Variants in PPFIBP1 observed in about 807,000 individuals in gnomAD.
The protein encoded by PPFIBP1 is PPFIB scaffold protein 1, also known as liprin-beta-1.
Under a neutral mutation model 137.8 loss-of-function variants are expected in PPFIBP1, and 112 were observed. The ratio of observed to expected loss-of-function variants is 0.81; its 90% CI spans 0.70 to 0.95. The LOEUF is 0.95. PPFIBP1 is among the 40% of genes least tolerant of loss of function. PPFIBP1 has a pLI of 0.00. For synonymous variants in PPFIBP1, 378 were observed against 417.3 expected (o/e 0.91, Z 1.15); for missense variants, 1,083 against 1,196.6 (o/e 0.91, Z 1.40).
At chr12:27,615,677 G>T (rs73080246) in intron 2 of PPFIBP1, among the ~76,000 whole-genome samples, 65 of 152,326 alleles carry the variant, frequency 4.3e-4, no homozygotes, top group Non-Finnish European at 7.5e-4. Context: ...GGAAAATGAA[G>T]CCTGGAAAAT....
At chr12:27,641,773 G>T (rs1486836336) in intron 4 of PPFIBP1, among the ~76,000 whole-genome samples, 2 of 152,182 alleles carry the variant, frequency 1.3e-5, no homozygotes, top group Non-Finnish European at 2.9e-5. Context: ...TACCAATTAG[G>T]CTAAAAGCAG....
intron 24 of PPFIBP1, among the ~76,000 whole-genome samples, chr12:27,683,027 A>G (rs2060970991): frequency 6.6e-6 from 1 of 152,194 alleles, no homozygotes; most frequent in Admixed American, 6.5e-5. Context: ...GAATGGGTAC[A>G]TTTTATGGTA....
At chr12:27,592,472 C>A in intron 2 of PPFIBP1, 1 of 1,082,260 alleles carries the variant, frequency 9.2e-7, no homozygotes, top group East Asian at 2.5e-5. Context: ...ATAGGATGTC[C>A]TAATTCAAGG....
rs146451197 is a variant in PPFIBP1, at chr12:27,670,181, C to T, written c.1147-1250C>T. 1.1e-4 allele frequency among the ~76,000 whole-genome samples: 16 copies of T among 152,176 alleles called. 1 individual carries two copies. The East Asian group carries it at 1.3e-3, about 13-fold the overall frequency. ...TATGATGTGGCCTGCAATCTAACTGCTCTACAGTTGTAAAAAATTATTGAA... is the reference window on the plus strand; with the variant it reads ...TATGATGTGGCCTGCAATCTAACTGTTCTACAGTTGTAAAAAATTATTGAA... On this transcript the variant is annotated intron_variant, in intron 13 of 29. Transcript: ENST00000228425.
At chr12:27,561,217 G>A (rs569316425) in intron 1 of PPFIBP1, among the ~76,000 whole-genome samples, 1 of 152,192 alleles carries the variant, frequency 6.6e-6, no homozygotes, top group Non-Finnish European at 1.5e-5. Flanking sequence ...TCTTGCAATT[G>A]TGAGTGGTCT....
chr12:27,640,874 A>C (rs1187712034), intron 4 of PPFIBP1, among the ~76,000 whole-genome samples: 1 of 152,230 alleles, frequency 6.6e-6, no homozygotes, highest in Admixed American at 6.5e-5. Flanking sequence ...AAATGTTTGC[A>C]TGCGTGGCAG....
At position 27,634,889 on chromosome 12, in the gene PPFIBP1, CTG is replaced by C. The variant is rs780914561; in HGVS notation, c.65-18_65-17del. ...TCTAACATAAATCCCATTGCTCTCT[CTG>C]TGATTTTGTTTAACTTAGGTTCTAA... On this transcript the variant is annotated intron_variant, in intron 3 of 29. Coordinates refer to ENST00000228425, the MANE Select transcript of PPFIBP1 (RefSeq NM_003622.4). 2.7e-4 allele frequency: 425 copies of C among 1,600,238 alleles called. No individual in the cohort carries two copies. Among genetic ancestry groups the C allele is most frequent in the Non-Finnish European group, 3.3e-4 (384 of 1,168,134 alleles).
chr12:27,536,419 C>A (rs1945012251), intron 1 of PPFIBP1, among the ~76,000 whole-genome samples: 1 of 152,136 alleles, frequency 6.6e-6, no homozygotes, highest in Non-Finnish European at 1.5e-5. Context: ...CCCCAGGAAG[C>A]TTCCGATCAT....
chr12:27,616,033 G>A (rs541499643), intron 2 of PPFIBP1, among the ~76,000 whole-genome samples: 2 of 152,188 alleles, frequency 1.3e-5, no homozygotes, highest in South Asian at 2.1e-4. Flanking sequence ...GTTCTAAATC[G>A]CTTGGGTACT....
chr12:27,635,771 A>T (rs2057620252), intron 4 of PPFIBP1: 1 of 152,268 alleles, frequency 6.6e-6, no homozygotes, highest in Non-Finnish European at 1.5e-5. Context: ...CTCACTGAAC[A>T]ATGAGGCCGC....
At chr12:27,535,064 T>C (rs542639339) in intron 1 of PPFIBP1, among the ~76,000 whole-genome samples, 1 of 152,332 alleles carries the variant, frequency 6.6e-6, no homozygotes, top group African/African-American at 2.4e-5. Context: ...ACAGTATAAA[T>C]TGATAGGCAT....
chr12:27,570,048 A>G (rs966758688), intron 1 of PPFIBP1, among the ~76,000 whole-genome samples: 1 of 152,196 alleles, frequency 6.6e-6, no homozygotes, highest in African/African-American at 2.4e-5. Flanking sequence ...GTTCTACAAC[A>G]TCGCCACCGG....
intron 2 of PPFIBP1, among the ~76,000 whole-genome samples, chr12:27,611,319 G>T (rs2055082061): frequency 6.6e-6 from 1 of 152,142 alleles, no homozygotes; most frequent in Non-Finnish European, 1.5e-5. Context: ...GGAAGGATCT[G>T]TTCCAGGCTT....
At chr12:27,681,744 C>T in intron 22 of PPFIBP1, 48 bp downstream of exon 22, 2 of 1,601,122 alleles carry the variant, frequency 1.2e-6, no homozygotes, top group Non-Finnish European at 1.7e-6. Context: ...GAGAAGAAAA[C>T]AGTATGAATG....
intron 1 of PPFIBP1, among the ~76,000 whole-genome samples, chr12:27,568,455 T>G (rs2049871108): frequency 6.6e-6 from 1 of 152,252 alleles, no homozygotes; most frequent in Non-Finnish European, 1.5e-5. Context: ...ATGCCAGTGT[T>G]ACATCTTTCT....
chr12:27,577,799 C>A (rs935031882), intron 1 of PPFIBP1, among the ~76,000 whole-genome samples: 2 of 152,118 alleles, frequency 1.3e-5, no homozygotes, highest in African/African-American at 4.8e-5. Context: ...GTGGTTCATT[C>A]ATTTACTCAA....
intron 2 of PPFIBP1, among the ~76,000 whole-genome samples, chr12:27,589,664 C>T (rs770408318): frequency 2.0e-5 from 3 of 152,186 alleles, no homozygotes; most frequent in Non-Finnish European, 4.4e-5. Context: ...ACAAGTATGT[C>T]AGAAATCTTA....
intron 18 of PPFIBP1, 58 bp from the exon 19 acceptor site, chr12:27,677,006 C>T: frequency 1.2e-6 from 2 of 1,612,542 alleles, no homozygotes; most frequent in Non-Finnish European, 1.7e-6. Context: ...ATTTTGTCAT[C>T]TCTGTGTTCT....
chr12:27,636,725 A>G (rs1199131942), intron 4 of PPFIBP1: 1 of 147,572 alleles, frequency 6.8e-6, no homozygotes, highest in African/African-American at 2.5e-5. Context: ...TACCAGTGGC[A>G]TCACATCTTA....
Sources: gnomAD v4.1 joint callset for allele counts (sites outside exome capture counted in the v4.1 genomes callset) on GRCh38, gnomAD v4.1.1 for gene constraint, MANE v1.5 for transcripts, NCBI Gene and HGNC (gene_info 2026-07-23, HGNC 2026-07-21) for gene names.